The following SMARCD3 variants were observed in gnomAD, a reference collection of about 807,000 sequenced individuals.
The protein encoded by SMARCD3 is SWI/SNF-related matrix-associated actin-dependent regulator of chromatin subfamily D member 3.
In SMARCD3, 14 loss-of-function variants were observed where a neutral mutation model predicts 58.0. That is an observed-to-expected ratio of 0.24 (90% CI 0.16 to 0.38). The LOEUF is 0.38. Among genes scored for constraint, SMARCD3 ranks in the 10% least tolerant of loss-of-function variants. The pLI is 1.00. For missense variants in SMARCD3, 408 were observed against 636.9 expected (o/e 0.64, Z 3.87); for synonymous variants, 253 against 253.8 (o/e 1.00, Z 0.03).
At chr7:151,257,920 G>T (rs145920893) in intron 2 of SMARCD3, among the ~76,000 whole-genome samples, 2 of 152,228 alleles carry the variant, frequency 1.3e-5, no homozygotes, top group African/African-American at 2.4e-5. Context: ...GTCCTTGGAC[G>T]CATCTATCCA....
chr7:151,239,986 C>CT lies in SMARCD3; in HGVS notation c.1173+125dup. 1 of 945,450 alleles carries CT rather than the reference C, an allele frequency of 1.1e-6. No homozygotes were observed. The highest frequency in any genetic ancestry group is 1.5e-6 in the Non-Finnish European group (1 of 650,748). 58.6% of individuals were successfully genotyped at this position (945,450 alleles called of 1,614,324 possible). A position where few individuals can be genotyped will look rare whatever the true frequency, so the allele number is the denominator to read the frequency against. ...GTGTCCCATTGGCCCAGAGTCTGGT[C>CT]TCTTTTTTTTTTTTTTTTTTAATTT... On this transcript the variant is annotated intron_variant, in intron 10 of 12. Transcript: ENST00000262188. The surrounding 1 kb of genome is among the most constrained non-coding windows in gnomAD (Gnocchi z 7.0).
In SMARCD3 at chr7:151,243,781, G is replaced by C. The variant is rs219229; in HGVS notation, c.291-80C>G. The C allele has an allele frequency of 4.0e-6, 4 of 989,588 alleles. No homozygotes were observed. Among genetic ancestry groups the C allele is most frequent in the Non-Finnish European group, 6.5e-6 (4 of 610,976 alleles). 61.3% of individuals were successfully genotyped at this position (989,588 alleles called of 1,614,324 possible). A position where few individuals can be genotyped will look rare whatever the true frequency, so the allele number is the denominator to read the frequency against. On this transcript the variant is annotated intron_variant, in intron 2 of 12. Transcript: ENST00000262188. The surrounding 1 kb of genome is among the most constrained non-coding windows in gnomAD (Gnocchi z 4.4). ...ACGAGGCCACCTGCTAGATTATCCC[G>C]ACATCTCCGCCCGCCTGGCTGGGGT...
At chr7:151,252,015 G>A (rs1217547968), upstream of SMARCD3, among the ~76,000 whole-genome samples, 2 of 151,710 alleles carry the variant, frequency 1.3e-5, no homozygotes, top group Non-Finnish European at 2.9e-5. Context: ...GTCAGCCCGG[G>A]GCCCAGCTGC....
chr7:151,272,102 C>T (rs1224120032), intron 2 of SMARCD3, among the ~76,000 whole-genome samples: 1 of 152,200 alleles, frequency 6.6e-6, no homozygotes, highest in Non-Finnish European at 1.5e-5. Context: ...CCCTAGGAAG[C>T]AGTTGTGACA....
At position 151,238,895 on chromosome 7, in the gene SMARCD3, G is replaced by T; in HGVS notation, c.*208C>A. 1 of 1,212,014 alleles carries T rather than the reference G, an allele frequency of 8.3e-7. No homozygotes were observed. Among genetic ancestry groups the T allele is most frequent in the Non-Finnish European group, 1.2e-6 (1 of 861,864 alleles). 75.1% of individuals were successfully genotyped at this position (1,212,014 alleles called of 1,614,324 possible). A position where few individuals can be genotyped will look rare whatever the true frequency, so the allele number is the denominator to read the frequency against. On this transcript the variant is annotated 3_prime_UTR_variant, in exon 13 of 13. Coordinates refer to ENST00000262188, the MANE Select transcript of SMARCD3 (RefSeq NM_001003801.2). ...AAGGGAATGGGGAGTCGTCCCGAGG[G>T]ACCCACTGCCTCCCCACCTTCTTCC...
upstream of SMARCD3, among the ~76,000 whole-genome samples, chr7:151,251,645 G>C (rs115058693): frequency 0.019 from 2,928 of 152,164 alleles, 88 homozygotes; most frequent in African/African-American, 0.062. Flanking sequence ...CGGGAAGAGC[G>C]TGGATTCCTC....
intron 2 of SMARCD3, among the ~76,000 whole-genome samples, chr7:151,260,446 G>C (rs1017148279): frequency 6.6e-6 from 1 of 152,092 alleles, no homozygotes; most frequent in African/African-American, 2.4e-5. Flanking sequence ...TTTCAAATTT[G>C]AGAAGGTTCC....
chr7:151,239,832 G>C lies in SMARCD3; in HGVS notation c.1174-86C>G. 7.2e-7 allele frequency: 1 copy of C among 1,382,222 alleles called. No homozygotes were observed. Among genetic ancestry groups the C allele is most frequent in the Non-Finnish European group, 1.0e-6 (1 of 981,512 alleles). 85.6% of individuals were successfully genotyped at this position (1,382,222 alleles called of 1,614,324 possible). A position where few individuals can be genotyped will look rare whatever the true frequency, so the allele number is the denominator to read the frequency against. On this transcript the variant is annotated intron_variant, in intron 10 of 12. Coordinates refer to ENST00000262188, the MANE Select transcript of SMARCD3 (RefSeq NM_001003801.2). This position sits in a 1 kb window ranked among gnomAD's most constrained non-coding sequence, Gnocchi z 7.0. ...AGGAAGCGGGTGGGAAGGGGAGGGA[G>C]AGGGGGTTTCTTCTGTGAAGGACAA...
In SMARCD3 at chr7:151,248,084, AACAG is replaced by A. The variant is rs1803359255; in HGVS notation, c.78+397_78+400del. 6.6e-6 allele frequency among the ~76,000 whole-genome samples: 1 copy of A among 152,024 alleles called. No homozygotes were observed. Among genetic ancestry groups the A allele is most frequent in the African/African-American group, 2.4e-5 (1 of 41,406 alleles). ...AGCAGTGACACTGTCCCAACGGATG[AACAG>A]ACAGCCCAGCCCAGCCTCTGCCATG... On this transcript the variant is annotated intron_variant, in intron 1 of 12. Transcript: ENST00000262188. This position sits in a 1 kb window ranked among gnomAD's most constrained non-coding sequence, Gnocchi z 6.1.
At chr7:151,275,237 G>C in exon 2 of SMARCD3, 1 of 1,170,582 alleles carries the variant, frequency 8.5e-7, no homozygotes, top group Non-Finnish European at 1.3e-6. Flanking sequence ...CAGCACCAAG[G>C]GCCATTCTGA....
chr7:151,256,047 A>AT (rs1803688061), intron 2 of SMARCD3, among the ~76,000 whole-genome samples: 1 of 149,206 alleles, frequency 6.7e-6, no homozygotes, highest in African/African-American at 2.5e-5. Context: ...TACCCAGCTA[A>AT]TTTTTTGTAT....
chr7:151,242,143 G>A lies in SMARCD3; in HGVS notation c.669C>T (p.Leu223=), dbSNP rs369080682. The change falls in exon 6 of 13, where the codon CTC becomes CTT. Residue 223 remains leucine, a synonymous_variant. Transcript: ENST00000262188. The surrounding 1 kb of genome is among the most constrained non-coding windows in gnomAD (Gnocchi z 4.7). ...DKDLYGPDNH[L]VEWHRTPTTQ... The stretch of plus-strand genomic sequence containing the variant: ...GAGGGGCTCTTGGTCTTACCTCAAC[G>A]AGGTGGTTGTCAGGGCCATAAAGAT... The A allele has an allele frequency of 5.6e-6, 9 of 1,611,474 alleles. No homozygotes were observed. The African/African-American group carries it at 8.0e-5, about 14-fold the overall frequency.
intron 2 of SMARCD3, chr7:151,254,563 C>A (rs551533080): frequency 6.6e-6 from 1 of 152,566 alleles, no homozygotes; most frequent in Admixed American, 6.5e-5. Flanking sequence ...GCCTCTTCCA[C>A]CCTGCCTGGT....
At chr7:151,272,739 C>T (rs1795218291) in intron 2 of SMARCD3, among the ~76,000 whole-genome samples, 1 of 152,118 alleles carries the variant, frequency 6.6e-6, no homozygotes, top group African/African-American at 2.4e-5. Flanking sequence ...TTATGAGTCA[C>T]CAAGGATTCC....
At position 151,258,847 on chromosome 7, in the gene SMARCD3, C is replaced by T. The variant is rs188119557; in HGVS notation, c.40-13176G>A. Among the ~76,000 whole-genome samples, 5 of 152,222 alleles carry T rather than the reference C, an allele frequency of 3.3e-5. No homozygotes were observed. In the East Asian group the frequency reaches 7.7e-4, roughly 24 times the overall value. On this transcript the variant is annotated intron_variant, in intron 2 of 13. Coordinates refer to the SMARCD3 transcript ENST00000356800. ...GCTCTTCCTCTGGCAATCTACATGG[C>T]GGACTCCTCACCTCCCAAAAGCCTT...
chr7:151,262,259 T>A (rs953900278), intron 2 of SMARCD3, among the ~76,000 whole-genome samples: 2 of 152,198 alleles, frequency 1.3e-5, no homozygotes, highest in Non-Finnish European at 2.9e-5. Flanking sequence ...TTTTAAATTT[T>A]TTTGTAGAGA....
At chr7:151,261,570 G>C (rs1432422912) in intron 2 of SMARCD3, among the ~76,000 whole-genome samples, 2 of 152,220 alleles carry the variant, frequency 1.3e-5, no homozygotes, top group Non-Finnish European at 1.5e-5. Flanking sequence ...ATTCAGCACA[G>C]TGCCTGGCAC....
chr7:151,263,745 C>T (rs1405761856), intron 2 of SMARCD3, among the ~76,000 whole-genome samples: 1 of 152,228 alleles, frequency 6.6e-6, no homozygotes, highest in Non-Finnish European at 1.5e-5. Flanking sequence ...CTTTCTTCTG[C>T]ACTGATCGTC....
At chr7:151,270,316 G>A (rs141161611) in intron 2 of SMARCD3, among the ~76,000 whole-genome samples, 1 of 152,312 alleles carries the variant, frequency 6.6e-6, no homozygotes, top group Non-Finnish European at 1.5e-5. Flanking sequence ...CTCTTGCATC[G>A]TGGTGGTGTA....
Sources: allele counts gnomAD v4.1 joint callset (sites outside exome capture counted in the v4.1 genomes callset), GRCh38; gene constraint gnomAD v4.1.1; non-coding constraint Gnocchi (gnomAD v3.1); transcripts MANE v1.5; gene names NCBI Gene and HGNC (gene_info 2026-07-23, HGNC 2026-07-21).